The following RNF146 variants were observed in gnomAD, a reference collection of about 807,000 sequenced individuals.
RNF146 encodes the protein ring finger protein 146, also known as E3 ubiquitin-protein ligase RNF146.
In RNF146, 11 loss-of-function variants were observed where a neutral mutation model predicts 29.7. The observed-to-expected ratio is 0.37, with a 90% CI of 0.23 to 0.61. The LOEUF is 0.61. RNF146 is among the 20% of genes least tolerant of loss of function. The probability of loss-of-function intolerance (pLI) is 0.66; values close to 1 mark genes in which losing one functional copy is unlikely to be tolerated. For missense variants in RNF146, 342 were observed against 438.9 expected (o/e 0.78, Z 1.97); for synonymous variants, 150 against 159.7 (o/e 0.94, Z 0.46).
intron 2 of RNF146, chr6:127,282,510 GA>G (rs1438335453): frequency 6.6e-6 from 1 of 151,650 alleles, no homozygotes; most frequent in Non-Finnish European, 1.5e-5. Context: ...TTATGTCTGA[GA>G]CAGAACTCTC....
At chr6:127,270,417 A>G (rs966076070) in intron 1 of RNF146, among the ~76,000 whole-genome samples, 2 of 152,060 alleles carry the variant, frequency 1.3e-5, no homozygotes, top group Non-Finnish European at 2.9e-5. Context: ...GGAATTATGT[A>G]TGTTTGAGTT....
intron 1 of RNF146, among the ~76,000 whole-genome samples, chr6:127,267,273 C>T (rs1336140100): frequency 1.3e-5 from 2 of 152,124 alleles, no homozygotes; most frequent in African/African-American, 4.8e-5. Context: ...ACGGCCGGAG[C>T]TGGTCTCGGT....
At chr6:127,277,816 A>G (rs956157927) in intron 1 of RNF146, among the ~76,000 whole-genome samples, 1 of 152,134 alleles carries the variant, frequency 6.6e-6, no homozygotes, top group African/African-American at 2.4e-5. Context: ...CACACCCAGG[A>G]TCAATACTTT....
In RNF146 at chr6:127,287,660, G is replaced by C; in HGVS notation, c.1047G>C (p.Arg349Ser). ...TGAGTGTCAGTGTCAGATCTAGAAG[G>C]CCTGATGGACAGTGCACAGTAACTG... ...GTVSVSVRSR[R>S]PDGQCTVTEV The change falls in exon 3 of 3, where the codon AGG becomes AGC. Residue 349 changes from arginine to serine, a missense_variant. By Grantham distance (110) the Arg-to-Ser change is moderately radical. Coordinates refer to ENST00000368314, the MANE Select transcript of RNF146 (RefSeq NM_001242850.2). 3 of 1,605,264 alleles carry C rather than the reference G, an allele frequency of 1.9e-6. No individual in the cohort carries two copies. The highest frequency in any genetic ancestry group is 2.6e-6 in the Non-Finnish European group (3 of 1,174,308).
chr6:127,287,385 G>T lies in RNF146; in HGVS notation c.772G>T (p.Ala258Ser). 6.2e-7 allele frequency: 1 copy of T among 1,613,470 alleles called. No homozygotes were observed. The highest frequency in any genetic ancestry group is 8.5e-7 in the Non-Finnish European group (1 of 1,179,638). ...AHLQLSGDNTAERSHRGEGEE... is the reference protein window; with the variant it reads ...AHLQLSGDNTSERSHRGEGEE... ...TTTACAACTCAGTGGAGACAACACA[G>T]CTGAAAGGAGTCATAGGGGAGAAGG... is the stretch of plus-strand genomic sequence containing the variant. The change falls in exon 3 of 3, where the codon GCT (alanine) becomes TCT (serine). Residue 258 changes from alanine (A) to serine (S), a missense_variant. Physicochemically the swap from Ala to Ser is moderately conservative, Grantham distance 99. This residue lies in a region of RNF146 where 196 missense variants were observed against 208.9 expected (regional missense o/e 0.94). Coordinates refer to ENST00000368314, the MANE Select transcript of RNF146 (RefSeq NM_001242850.2).
At chr6:127,272,066 A>C (rs545440918) in intron 1 of RNF146, among the ~76,000 whole-genome samples, 1 of 152,236 alleles carries the variant, frequency 6.6e-6, no homozygotes, top group Non-Finnish European at 1.5e-5. Flanking sequence ...GTAGAAAGAC[A>C]TTTTTAAAGG....
At chr6:127,280,452 A>G in intron 2 of RNF146, 112 bp downstream of exon 2, 1 of 1,374,916 alleles carries the variant, frequency 7.3e-7, no homozygotes. Flanking sequence ...TTAAATGAGC[A>G]TTTTCTTTTG....
rs1448551957 is a variant in RNF146, at chr6:127,287,414, A to G, written c.801A>G (p.Glu267=). 1 of 1,613,516 alleles carries G rather than the reference A, an allele frequency of 6.2e-7. No homozygotes were observed. Among genetic ancestry groups the G allele is most frequent in the Admixed American group, 1.7e-5 (1 of 59,926 alleles). ...AAAGGAGTCATAGGGGAGAAGGAGA[A>G]GAAGATCATGAATCACCATCTTCAG... The part of the protein sequence containing the change: ...TAERSHRGEG[E]EDHESPSSGR... The change falls in exon 3 of 3, where the codon GAA becomes GAG. Residue 267 remains glutamate, a synonymous_variant. Transcript: ENST00000368314.
At position 127,287,077 on chromosome 6, in the gene RNF146, A is replaced by G. The variant is rs1414822874; in HGVS notation, c.464A>G (p.Tyr155Cys). 3 of 1,613,198 alleles carry G rather than the reference A, an allele frequency of 1.9e-6. No homozygotes were observed. The highest frequency in any genetic ancestry group is 2.5e-6 in the Non-Finnish European group (3 of 1,179,580). The part of the protein sequence containing the change: ...YVADLENMVQ[Y>C]RRNEHGRRRK... ...GCTGATCTTGAAAACATGGTTCAAT[A>G]TAGGAGAAATGAACATGGACGTCGC... is the stretch of plus-strand genomic sequence containing the variant. The change falls in exon 3 of 3, where the codon TAT (tyrosine) becomes TGT (cysteine). Residue 155 changes from tyrosine to cysteine, a missense_variant. Coordinates refer to ENST00000368314, the MANE Select transcript of RNF146 (RefSeq NM_001242850.2).
At position 127,286,052 on chromosome 6, in the gene RNF146, G is replaced by A; in HGVS notation, c.3-564G>A. On this transcript the variant is annotated intron_variant, in intron 2 of 2. Transcript: ENST00000368314. This position sits in a 1 kb window ranked among gnomAD's most constrained non-coding sequence, Gnocchi z 4.6. ...TCTTTTTTCTTCTTCCTCTTCAGGG[G>A]ATCTTCAATATTCATGTTATTTTCT... The A allele has an allele frequency of 8.1e-7, 1 of 1,228,540 alleles. No individual in the cohort carries two copies. 76.1% of individuals were successfully genotyped at this position (1,228,540 alleles called of 1,614,324 possible). A position where few individuals can be genotyped will look rare whatever the true frequency, so the allele number is the denominator to read the frequency against.
In RNF146 at chr6:127,286,515, A is replaced by T; in HGVS notation, c.3-101A>T. ...CCCCATTGTCTAGTATGTGGCTTGC[A>T]TATAATGCACATCATAGGTGGTTAG... On this transcript the variant is annotated intron_variant, in intron 2 of 2. Coordinates refer to ENST00000368314, the MANE Select transcript of RNF146 (RefSeq NM_001242850.2). This position sits in a 1 kb window ranked among gnomAD's most constrained non-coding sequence, Gnocchi z 4.6. 1 of 1,073,158 alleles carries T rather than the reference A, an allele frequency of 9.3e-7. No homozygotes were observed. The highest frequency in any genetic ancestry group is 1.3e-6 in the Non-Finnish European group (1 of 754,348). The allele number at this position is 1,073,158 out of a possible 1,614,324, so 66.5% of individuals were successfully genotyped here.
At chr6:127,274,486 G>A (rs12661323) in intron 1 of RNF146, among the ~76,000 whole-genome samples, 1 of 152,152 alleles carries the variant, frequency 6.6e-6, no homozygotes, top group East Asian at 1.9e-4. Context: ...AATGCATTCA[G>A]GAGATAAGGA....
intron 1 of RNF146, among the ~76,000 whole-genome samples, chr6:127,274,704 C>T (rs774338701): frequency 1.1e-4 from 17 of 152,052 alleles, no homozygotes; most frequent in Non-Finnish European, 2.2e-4. Flanking sequence ...TGTAAGATAG[C>T]GAAGGATAGG....
chr6:127,276,242 A>G (rs1274540305), intron 1 of RNF146, among the ~76,000 whole-genome samples: 2 of 152,100 alleles, frequency 1.3e-5, no homozygotes, highest in Admixed American at 1.3e-4. Flanking sequence ...CAAGATAATC[A>G]GGCTGAACAA....
Position 127,287,832 on chromosome 6 carries a change from T to C in RNF146, c.*139T>C, listed in dbSNP as rs1305397005. The C allele has an allele frequency of 3.3e-6, 2 of 606,374 alleles. No individual in the cohort carries two copies. The highest frequency in any genetic ancestry group is 3.0e-6 in the Non-Finnish European group (1 of 333,722). The allele number at this position is 606,374 out of a possible 1,614,324, so 37.6% of individuals were successfully genotyped here. On this transcript the variant is annotated 3_prime_UTR_variant, in exon 3 of 3. Transcript: ENST00000368314. Reference sequence around the variant, plus strand: ...GGTATGGGAAGGATAGACTCATAATTAAAATGTCTAACATGTCTCTGTTGA... The same window carrying C: ...GGTATGGGAAGGATAGACTCATAATCAAAATGTCTAACATGTCTCTGTTGA...
chr6:127,281,630 G>C (rs1778923405), intron 2 of RNF146, among the ~76,000 whole-genome samples: 1 of 151,676 alleles, frequency 6.6e-6, no homozygotes. Flanking sequence ...GAGGAGTCAG[G>C]GAACAGTAAT....
chr6:127,286,906 G>A lies in RNF146; in HGVS notation c.293G>A (p.Ser98Asn), dbSNP rs1336653731. The A allele has an allele frequency of 6.8e-6, 11 of 1,613,364 alleles. No homozygotes were observed. The highest frequency in any genetic ancestry group is 9.3e-6 in the Non-Finnish European group (11 of 1,179,606). Residue 98 changes from serine to asparagine, a missense_variant, in exon 3 of 3, where the codon AGT becomes AAT. Physicochemically the swap from Ser to Asn is conservative, Grantham distance 46. Transcript: ENST00000368314. The surrounding 1 kb of genome is among the most constrained non-coding windows in gnomAD (Gnocchi z 4.6). The part of the protein sequence containing the change: ...LLSPEELKAA[S>N]RGNGEYAWYY... ...TCACCAGAAGAACTCAAGGCAGCAAGTAGAGGAAATGGTGAATATGCATGG... is the reference window on the plus strand; with the variant it reads ...TCACCAGAAGAACTCAAGGCAGCAAATAGAGGAAATGGTGAATATGCATGG...
In RNF146 at chr6:127,287,421, C is replaced by T; in HGVS notation, c.808C>T (p.His270Tyr). The change falls in exon 3 of 3, where the codon CAT becomes TAT. Residue 270 changes from histidine (H) to tyrosine (Y), a missense_variant. By Grantham distance (83) the His-to-Tyr change is moderately conservative (BLOSUM62 2). Around this residue, in one of 6 missense-constraint regions of RNF146, gnomAD observed 196 missense variants for 208.9 expected, o/e 0.94. Transcript: ENST00000368314. The stretch of plus-strand genomic sequence containing the variant: ...TCATAGGGGAGAAGGAGAAGAAGAT[C>T]ATGAATCACCATCTTCAGGCAGGGT... ...RSHRGEGEEDHESPSSGRVPA... is the reference protein window; with the variant it reads ...RSHRGEGEEDYESPSSGRVPA... 1 of 1,613,440 alleles carries T rather than the reference C, an allele frequency of 6.2e-7. No individual in the cohort carries two copies. Among genetic ancestry groups the T allele is most frequent in the South Asian group, 1.1e-5 (1 of 91,068 alleles).
intron 1 of RNF146, among the ~76,000 whole-genome samples, chr6:127,279,306 C>T (rs572052705): frequency 1.1e-4 from 17 of 151,802 alleles, no homozygotes; most frequent in African/African-American, 2.7e-4. Flanking sequence ...ATATAGTATA[C>T]GGTAGAGGTC....
Sources: gnomAD v4.1 joint callset for allele counts (sites outside exome capture counted in the v4.1 genomes callset) on GRCh38, gnomAD v4.1.1 for gene constraint, gnomAD v4.1.1 regional missense constraint, Gnocchi (gnomAD v3.1) non-coding constraint, MANE v1.5 for transcripts, NCBI Gene and HGNC (gene_info 2026-07-23, HGNC 2026-07-21) for gene names.